FMN1: variants seen among roughly 807,000 people sequenced by gnomAD.
FMN1 encodes the protein formin 1, also known as formin-1.
FMN1 carries 110 observed loss-of-function variants against 132.4 expected under a neutral mutation model. The observed-to-expected ratio is 0.83, with a 90% confidence interval of 0.71 to 0.97. FMN1 has a LOEUF of 0.97. Among genes scored for constraint, FMN1 ranks in the 50% least tolerant of loss-of-function variants. The probability of loss-of-function intolerance (pLI) is 0.00; values close to 1 mark genes in which losing one functional copy is unlikely to be tolerated. For missense variants in FMN1, 1,792 were observed against 1,705.3 expected (o/e 1.05, Z -0.90); for synonymous variants, 722 against 651.7 (o/e 1.11, Z -1.64).
In FMN1 at chr15:32,768,794, GAAAATT is replaced by G. The variant is rs936079266; in HGVS notation, c.*5510_*5515del. ...ATATTTAAGAGAAGATTTAAAAATA[GAAAATT>G]ACATAAGCGTAGAGGGAATGTAGAA... On this transcript the variant is annotated 3_prime_UTR_variant, in exon 21 of 21. Coordinates refer to ENST00000616417, the MANE Select transcript of FMN1 (RefSeq NM_001277313.2). 1.3e-5 allele frequency: 2 copies of G among 152,168 alleles called. No homozygotes were observed. Among genetic ancestry groups the G allele is most frequent in the African/African-American group, 4.8e-5 (2 of 41,436 alleles). The allele number at this position is 152,168 out of a possible 1,614,324, so 9.4% of individuals were successfully genotyped here.
At position 33,193,454 on chromosome 15, in the gene FMN1, A is replaced by G. The variant is rs547579062; in HGVS notation, c.-197+455T>C. Among the ~76,000 whole-genome samples, 240 of 152,256 alleles carry G rather than the reference A, an allele frequency of 1.6e-3. 2 individuals are homozygous for G. The highest frequency in any genetic ancestry group is 5.4e-3 in the African/African-American group (224 of 41,556). On this transcript the variant is annotated intron_variant, in intron 2 of 20. Transcript: ENST00000616417. ...CCGCCCCCCTGCCAATACACACGCA[A>G]GGGGGCATAGCAGATGATGGCACAT...
At chr15:32,912,160 A>C (rs959215993) in intron 10 of FMN1, among the ~76,000 whole-genome samples, 10 of 152,230 alleles carry the variant, frequency 6.6e-5, no homozygotes, top group Non-Finnish European at 1.5e-4. Context: ...ATAATCAAAT[A>C]ATCTTAACTA....
intron 18 of FMN1, 66 bp from the exon 19 acceptor site, chr15:32,799,019 T>G: frequency 5.4e-5 from 70 of 1,292,742 alleles, no homozygotes; most frequent in Non-Finnish European, 4.4e-5. Flanking sequence ...TAAAATCCAT[T>G]AGAGGGGGGA....
chr15:32,802,556 C>T (rs1029099855), intron 18 of FMN1, among the ~76,000 whole-genome samples: 3 of 152,142 alleles, frequency 2.0e-5, no homozygotes, highest in African/African-American at 7.2e-5. Flanking sequence ...TCATGTATGA[C>T]ATGAAAGCTA....
At position 33,154,925 on chromosome 15, in the gene FMN1, T is replaced by A. The variant is rs1462309575; in HGVS notation, c.-11A>T. 2.0e-6 allele frequency: 3 copies of A among 1,518,076 alleles called. No individual in the cohort carries two copies. Among genetic ancestry groups the A allele is most frequent in the Non-Finnish European group, 2.6e-6 (3 of 1,137,826 alleles). The allele number at this position is 1,518,076 out of a possible 1,614,324, so 94.0% of individuals were successfully genotyped here. A position where few individuals can be genotyped will look rare whatever the true frequency, so the allele number is the denominator to read the frequency against. On this transcript the variant is annotated 5_prime_UTR_variant, in exon 4 of 21. The change abolishes the stop of an existing upstream ORF in the 5' untranslated region. Transcript: ENST00000616417. ...ATGAGTGCCTTCCATTATGCCTACC[T>A]AATTATTCATGCCTTGGAGATGCCG...
intron 5 of FMN1, chr15:33,067,154 G>A (rs752334923): frequency 6.8e-6 from 11 of 1,613,846 alleles, no homozygotes; most frequent in Non-Finnish European, 9.3e-6. Flanking sequence ...TGTTACTGCA[G>A]GTAGGTCTTG....
At chr15:32,908,705 C>A in intron 11 of FMN1, 127 bp from the exon 12 acceptor site, 1 of 619,498 alleles carries the variant, frequency 1.6e-6, no homozygotes. Flanking sequence ...ACAACATCAC[C>A]TGTCACTTGT....
At chr15:32,929,841 T>C (rs1216534616) in intron 9 of FMN1, among the ~76,000 whole-genome samples, 2 of 151,998 alleles carry the variant, frequency 1.3e-5, no homozygotes, top group East Asian at 3.9e-4. Context: ...TGCCCATCAA[T>C]GGACATTTAG....
intron 5 of FMN1, chr15:33,067,943 GTTTATCCACTCCATCTGCTCTTAA>G: frequency 6.5e-7 from 1 of 1,536,994 alleles, no homozygotes; most frequent in Non-Finnish European, 8.7e-7. Context: ...TGCGCTCTCA[GTTTATCCACTCCATCTGCTCTTAA>G]TTTACAGGAC....
At chr15:32,957,459 C>CT (rs1013558732) in intron 9 of FMN1, among the ~76,000 whole-genome samples, 3 of 151,860 alleles carry the variant, frequency 2.0e-5, no homozygotes, top group Non-Finnish European at 4.4e-5. Flanking sequence ...AGGGGAAACT[C>CT]TTTATCTTTC....
intron 8 of FMN1, among the ~76,000 whole-genome samples, chr15:32,966,631 G>GA (rs2031260099): frequency 1.3e-5 from 2 of 151,840 alleles, no homozygotes; most frequent in Non-Finnish European, 2.9e-5. Context: ...AACGTCAAAA[G>GA]AAAAAAAATC....
At chr15:33,126,065 G>GAAT (rs1188969050) in intron 4 of FMN1, among the ~76,000 whole-genome samples, 1 of 152,192 alleles carries the variant, frequency 6.6e-6, no homozygotes, top group Admixed American at 6.5e-5. Context: ...TAAGGTGGAT[G>GAAT]AAAGGGCTTT....
intron 3 of FMN1, among the ~76,000 whole-genome samples, chr15:33,172,531 A>T (rs1302982659): frequency 2.0e-5 from 3 of 152,230 alleles, no homozygotes; most frequent in African/African-American, 7.2e-5. Context: ...AAGGGATGGG[A>T]CAGAAAGGGG....
At chr15:32,918,214 G>T (rs1192948240) in intron 10 of FMN1, among the ~76,000 whole-genome samples, 1 of 151,850 alleles carries the variant, frequency 6.6e-6, no homozygotes, top group East Asian at 1.9e-4. Flanking sequence ...AACAATAATT[G>T]TAATTTTACA....
intron 9 of FMN1, among the ~76,000 whole-genome samples, chr15:32,927,527 G>C (rs1405853838): frequency 1.3e-5 from 2 of 152,034 alleles, no homozygotes; most frequent in Non-Finnish European, 2.9e-5. Flanking sequence ...CCAAATTATT[G>C]GGATTATAGG....
At chr15:33,042,639 G>A (rs1226591656) in intron 6 of FMN1, among the ~76,000 whole-genome samples, 2 of 152,190 alleles carry the variant, frequency 1.3e-5, no homozygotes, top group Non-Finnish European at 2.9e-5. Flanking sequence ...CTCAGAGCAA[G>A]AGTGAAGGAT....
intron 6 of FMN1, among the ~76,000 whole-genome samples, chr15:33,019,225 T>A (rs1477980722): frequency 6.6e-6 from 1 of 152,130 alleles, no homozygotes. Flanking sequence ...ACAAAAGTTC[T>A]CCACCTCCCC....
At chr15:32,776,399 T>TG (rs1233031702) in intron 20 of FMN1, among the ~76,000 whole-genome samples, 2 of 152,242 alleles carry the variant, frequency 1.3e-5, no homozygotes, top group Admixed American at 1.3e-4. Flanking sequence ...GTTATCCACT[T>TG]GCTAAGTGAC....
intron 7 of FMN1, among the ~76,000 whole-genome samples, chr15:33,001,786 C>T (rs553280331): frequency 1.1e-4 from 16 of 149,798 alleles, no homozygotes; most frequent in African/African-American, 3.9e-4. Flanking sequence ...GTGGTGCGCG[C>T]ATGCAGCATG....
Sources: allele counts gnomAD v4.1 joint callset (sites outside exome capture counted in the v4.1 genomes callset), GRCh38; gene constraint gnomAD v4.1.1; transcripts MANE v1.5; gene names NCBI Gene and HGNC (gene_info 2026-07-23, HGNC 2026-07-21).